HS6ST3: variants seen among roughly 807,000 people sequenced by gnomAD.
HS6ST3 encodes the protein heparan-sulfate 6-O-sulfotransferase 3.
Under a neutral mutation model 36.7 loss-of-function variants are expected in HS6ST3, and 12 were observed. The ratio of observed to expected loss-of-function variants is 0.33; its 90% CI spans 0.21 to 0.53. The LOEUF (loss-of-function observed/expected upper bound fraction) is 0.53. HS6ST3 is among the 20% of genes least tolerant of loss of function. The pLI is 0.95. For missense variants in HS6ST3, 584 were observed against 640.9 expected, an observed-to-expected ratio of 0.91 and a Z score of 0.96; for synonymous variants, 240 against 257.5, an observed-to-expected ratio of 0.93 and a Z score of 0.65.
chr13:96,700,144 C>T (rs1188733929), intron 1 of HS6ST3, among the ~76,000 whole-genome samples: 1 of 152,168 alleles, frequency 6.6e-6, no homozygotes. Flanking sequence ...AAACCTGAGA[C>T]TGGGCAGTTT....
chr13:96,634,859 G>C (rs1232737276), intron 1 of HS6ST3, among the ~76,000 whole-genome samples: 2 of 68,742 alleles, frequency 2.9e-5, no homozygotes, highest in African/African-American at 4.8e-5. Flanking sequence ...TACTCCCAAG[G>C]ATTGTTTCTA....
intron 1 of HS6ST3, among the ~76,000 whole-genome samples, chr13:96,827,071 G>A (rs1878664541): frequency 6.6e-6 from 1 of 152,148 alleles, no homozygotes; most frequent in Admixed American, 6.6e-5. Context: ...TCTGTCTGAG[G>A]GACTGTTCTG....
chr13:96,208,789 G>A (rs942278161), intron 1 of HS6ST3, among the ~76,000 whole-genome samples: 1 of 152,042 alleles, frequency 6.6e-6, no homozygotes, highest in Non-Finnish European at 1.5e-5. Flanking sequence ...CAATTAAAAG[G>A]GTACGAGGTG....
At chr13:96,515,073 T>G (rs901117985) in intron 1 of HS6ST3, among the ~76,000 whole-genome samples, 2 of 152,242 alleles carry the variant, frequency 1.3e-5, no homozygotes, top group African/African-American at 4.8e-5. Flanking sequence ...TGTGCACCTT[T>G]GCCTGGAAAG....
intron 1 of HS6ST3, among the ~76,000 whole-genome samples, chr13:96,559,962 C>A (rs974695819): frequency 1.3e-5 from 2 of 152,132 alleles, no homozygotes; most frequent in Admixed American, 6.6e-5. Flanking sequence ...ATTCATACAA[C>A]TATATTTTTA....
intron 1 of HS6ST3, among the ~76,000 whole-genome samples, chr13:96,138,267 T>C (rs1233507095): frequency 2.0e-5 from 3 of 152,096 alleles, no homozygotes; most frequent in Non-Finnish European, 4.4e-5. Context: ...ATATTTGTTA[T>C]CACTTTATAC....
At chr13:96,226,013 G>C (rs1294894542) in intron 1 of HS6ST3, among the ~76,000 whole-genome samples, 2 of 152,104 alleles carry the variant, frequency 1.3e-5, no homozygotes, top group East Asian at 3.9e-4. Context: ...CTGGGCTTCT[G>C]TTGCCCTCAG....
At chr13:96,542,221 G>A (rs919559010) in intron 1 of HS6ST3, among the ~76,000 whole-genome samples, 1 of 152,164 alleles carries the variant, frequency 6.6e-6, no homozygotes, top group African/African-American at 2.4e-5. Flanking sequence ...TTACTGGACT[G>A]GCAGATGAAG....
intron 1 of HS6ST3, among the ~76,000 whole-genome samples, chr13:96,468,714 C>T (rs1255994064): frequency 6.6e-6 from 1 of 152,108 alleles, no homozygotes; most frequent in African/African-American, 2.4e-5. Flanking sequence ...CCTATAGAGC[C>T]TTGTTTACAG....
Position 96,203,341 on chromosome 13 carries a change from G to C in HS6ST3, c.707+111772G>C, listed in dbSNP as rs371067680. Among the ~76,000 whole-genome samples the C allele has an allele frequency of 1.1e-4, 16 of 152,204 alleles. No individual in the cohort carries two copies. In the East Asian group the frequency reaches 3.1e-3, roughly 29 times the overall value. ...TCTCTGTGTCCTTACATGGCAAGAG[G>C]GGGCAAAGAAGCCCTCTGGGGTCTC... On this transcript the variant is annotated intron_variant, in intron 1 of 1. Coordinates refer to ENST00000376705, the MANE Select transcript of HS6ST3 (RefSeq NM_153456.4).
intron 1 of HS6ST3, among the ~76,000 whole-genome samples, chr13:96,824,414 C>T (rs1231319282): frequency 6.6e-6 from 1 of 152,242 alleles, no homozygotes. Flanking sequence ...ATTCTAGTCT[C>T]CAACTTCCCA....
chr13:96,525,305 A>G (rs1036966608), intron 1 of HS6ST3, among the ~76,000 whole-genome samples: 3 of 152,140 alleles, frequency 2.0e-5, no homozygotes, highest in African/African-American at 4.8e-5. Context: ...TGAGCTGCTT[A>G]TTGTTGGCAC....
chr13:96,510,398 C>T (rs950945831), intron 1 of HS6ST3, among the ~76,000 whole-genome samples: 9 of 152,088 alleles, frequency 5.9e-5, no homozygotes, highest in African/African-American at 2.2e-4. Flanking sequence ...GCTAGGACTT[C>T]CAGAACTGTG....
intron 1 of HS6ST3, among the ~76,000 whole-genome samples, chr13:96,822,008 C>T (rs748874227): frequency 7.9e-5 from 12 of 152,330 alleles, no homozygotes; most frequent in East Asian, 1.9e-4. Context: ...GCAATTACAA[C>T]GGAGACACCT....
intron 1 of HS6ST3, among the ~76,000 whole-genome samples, chr13:96,792,118 TAAAAG>T (rs1877806526): frequency 6.6e-6 from 1 of 152,076 alleles, no homozygotes; most frequent in Non-Finnish European, 1.5e-5. Context: ...CACTACAAGT[TAAAAG>T]AAATGGAAAA....
intron 1 of HS6ST3, among the ~76,000 whole-genome samples, chr13:96,539,564 C>T (rs1440759164): frequency 6.6e-6 from 1 of 152,082 alleles, no homozygotes; most frequent in African/African-American, 2.4e-5. Context: ...ATTGTATTGG[C>T]CAGGCTGGTC....
intron 1 of HS6ST3, among the ~76,000 whole-genome samples, chr13:96,214,936 A>G (rs1044461407): frequency 2.0e-5 from 3 of 152,192 alleles, no homozygotes; most frequent in Admixed American, 6.5e-5. Flanking sequence ...GAGCAGTGAC[A>G]CATCTTTGGT....
chr13:96,544,779 A>T (rs1019095911), intron 1 of HS6ST3, among the ~76,000 whole-genome samples: 23 of 152,080 alleles, frequency 1.5e-4, no homozygotes, highest in Non-Finnish European at 2.8e-4. Flanking sequence ...TGTCTGATGG[A>T]GCATGGTGAG....
intron 1 of HS6ST3, among the ~76,000 whole-genome samples, chr13:96,460,868 A>G (rs969365841): frequency 6.6e-6 from 1 of 152,216 alleles, no homozygotes; most frequent in Non-Finnish European, 1.5e-5. Flanking sequence ...CAGGAAGTAT[A>G]ACTTATGTTC....
Sources: allele counts gnomAD v4.1 joint callset (sites outside exome capture counted in the v4.1 genomes callset), GRCh38; gene constraint gnomAD v4.1.1; transcripts MANE v1.5; gene names NCBI Gene and HGNC (gene_info 2026-07-23, HGNC 2026-07-21).